The following HMGCLL1 variants were observed in gnomAD, a reference collection of about 807,000 sequenced individuals.
HMGCLL1 encodes the protein 3-hydroxy-3-methylglutaryl-CoA lyase like 1.
HMGCLL1 carries 36 observed loss-of-function variants against 39.1 expected under a neutral mutation model. The ratio of observed to expected loss-of-function variants is 0.92; its 90% CI spans 0.71 to 1.22. The LOEUF (loss-of-function observed/expected upper bound fraction) is 1.22, where lower values mean the gene tolerates loss of function less well. Ranked by LOEUF, HMGCLL1 falls within the 50% of genes most tolerant of loss-of-function variation. The probability of loss-of-function intolerance (pLI) is 0.00; values close to 1 mark genes in which losing one functional copy is unlikely to be tolerated. For synonymous variants in HMGCLL1, 149 were observed against 144.0 expected, an observed-to-expected ratio of 1.03 and a Z score of -0.25; for missense variants, 451 against 416.5, an observed-to-expected ratio of 1.08 and a Z score of -0.72.
the HMGCLL1 span, among the ~76,000 whole-genome samples, chr6:55,646,841 G>A: frequency 6.6e-6 from 1 of 151,930 alleles, no homozygotes; most frequent in Non-Finnish European, 1.5e-5. Context: ...ATGTGCTGAG[G>A]AGAAACTTGT....
At chr6:55,585,954 T>C in the HMGCLL1 span, among the ~76,000 whole-genome samples, 2 of 152,074 alleles carry the variant, frequency 1.3e-5, no homozygotes, top group African/African-American at 4.8e-5. Flanking sequence ...TAGAGGAGTA[T>C]AAGAAATTAA....
At chr6:55,481,584 A>T (rs1421870594) in intron 7 of HMGCLL1, among the ~76,000 whole-genome samples, 3 of 152,054 alleles carry the variant, frequency 2.0e-5, no homozygotes, top group African/African-American at 7.2e-5. Context: ...GACAAGTGAG[A>T]TCTACACTCT....
intron 1 of HMGCLL1, among the ~76,000 whole-genome samples, chr6:55,565,525 C>T (rs1326465907): frequency 6.6e-6 from 1 of 151,924 alleles, no homozygotes; most frequent in African/African-American, 2.4e-5. Context: ...AATACTACTG[C>T]CCTTATATAA....
rs1031819813 is a variant in HMGCLL1 at position 55,485,824 on chromosome 6, T to C, written c.795+9595A>G. On this transcript the variant is annotated intron_variant, in intron 7 of 8. Coordinates refer to ENST00000274901, the MANE Select transcript of HMGCLL1 (RefSeq NM_001042406.2). Reference sequence around the variant, plus strand: ...AGGTTTGCTGAATTTAGCAATATTATATAAACCTAGTGAGTGTATAGGCTG... The same window carrying C: ...AGGTTTGCTGAATTTAGCAATATTACATAAACCTAGTGAGTGTATAGGCTG... Among the ~76,000 whole-genome samples, 3 of 151,858 alleles carry C rather than the reference T, an allele frequency of 2.0e-5. No homozygotes were observed. The South Asian group carries it at 6.2e-4, about 31-fold the overall frequency.
chr6:55,510,871 T>C (rs904741640), intron 5 of HMGCLL1, among the ~76,000 whole-genome samples: 1 of 151,276 alleles, frequency 6.6e-6, no homozygotes, highest in African/African-American at 2.4e-5. Flanking sequence ...ATTTTAACCA[T>C]GAAATTAATA....
chr6:55,454,850 T>C (rs1764253613), intron 7 of HMGCLL1, among the ~76,000 whole-genome samples: 1 of 152,224 alleles, frequency 6.6e-6, no homozygotes, highest in South Asian at 2.1e-4. Context: ...CCACCATTTA[T>C]TAGGAGACAT....
chr6:55,456,784 T>C (rs1000588399), intron 7 of HMGCLL1, among the ~76,000 whole-genome samples: 6 of 152,204 alleles, frequency 3.9e-5, no homozygotes, highest in Admixed American at 1.3e-4. Flanking sequence ...ACACTGCTTC[T>C]TTCTTTGTCC....
intron 3 of HMGCLL1, among the ~76,000 whole-genome samples, chr6:55,517,540 G>A (rs1287114804): frequency 6.6e-6 from 1 of 151,866 alleles, no homozygotes; most frequent in African/African-American, 2.4e-5. Context: ...GCAGAAAAAG[G>A]GCTATTGGGT....
chr6:55,503,509 T>C (rs10948929), intron 5 of HMGCLL1, among the ~76,000 whole-genome samples: 102,133 of 151,252 alleles, frequency 0.68, 34,516 homozygotes, highest in Non-Finnish European at 0.7. Context: ...GTGATATGTT[T>C]TAAAAGTTAT....
intron 5 of HMGCLL1, among the ~76,000 whole-genome samples, chr6:55,502,125 GTTTCA>G (rs2127428535): frequency 6.6e-6 from 1 of 151,828 alleles, no homozygotes; most frequent in East Asian, 1.9e-4. Context: ...TCAGCAAATG[GTTTCA>G]TTTCATCTTC....
At chr6:55,574,304 C>G (rs1771659446) in intron 1 of HMGCLL1, among the ~76,000 whole-genome samples, 1 of 151,358 alleles carries the variant, frequency 6.6e-6, no homozygotes, top group African/African-American at 2.4e-5. Flanking sequence ...AATATGTGCA[C>G]AAGTATAAAT....
the HMGCLL1 span, among the ~76,000 whole-genome samples, chr6:55,665,223 G>A: frequency 1.6e-4 from 24 of 151,654 alleles, no homozygotes; most frequent in African/African-American, 5.8e-4. Context: ...TTATCTTCAG[G>A]GGCAAACTTT....
At chr6:55,537,250 G>A (rs1475433053) in intron 3 of HMGCLL1, among the ~76,000 whole-genome samples, 3 of 152,208 alleles carry the variant, frequency 2.0e-5, no homozygotes, top group Non-Finnish European at 4.4e-5. Flanking sequence ...GTGTTATATA[G>A]TAAGTGACTG....
At chr6:55,548,396 C>A (rs923685506) in intron 1 of HMGCLL1, among the ~76,000 whole-genome samples, 1 of 151,908 alleles carries the variant, frequency 6.6e-6, no homozygotes, top group Non-Finnish European at 1.5e-5. Context: ...ACAAGTTTCT[C>A]CTGGAAATAT....
chr6:55,572,973 G>A (rs1043233108), intron 1 of HMGCLL1, among the ~76,000 whole-genome samples: 2 of 152,182 alleles, frequency 1.3e-5, no homozygotes, highest in Non-Finnish European at 2.9e-5. Context: ...TGCCAATTCT[G>A]TATGAGCAAC....
chr6:55,470,622 C>T (rs984954940), intron 7 of HMGCLL1, among the ~76,000 whole-genome samples: 1 of 151,514 alleles, frequency 6.6e-6, no homozygotes, highest in Non-Finnish European at 1.5e-5. Context: ...ATAAAATGAA[C>T]ATAATTTTAG....
chr6:55,611,980 A>G, the HMGCLL1 span, among the ~76,000 whole-genome samples: 1 of 152,166 alleles, frequency 6.6e-6, no homozygotes, highest in African/African-American at 2.4e-5. Flanking sequence ...GAAAGAAATA[A>G]AGGGTATTCA....
chr6:55,594,115 A>G, the HMGCLL1 span, among the ~76,000 whole-genome samples: 2 of 152,232 alleles, frequency 1.3e-5, no homozygotes, highest in South Asian at 2.1e-4. Flanking sequence ...TGTACAACCT[A>G]TGAAATTCTT....
At chr6:55,646,617 T>C in the HMGCLL1 span, among the ~76,000 whole-genome samples, 1 of 152,012 alleles carries the variant, frequency 6.6e-6, no homozygotes, top group Admixed American at 6.6e-5. Context: ...TTTCAAGAAA[T>C]TTTTCAATTT....
Sources: allele counts gnomAD v4.1 joint callset (sites outside exome capture counted in the v4.1 genomes callset), GRCh38; gene constraint gnomAD v4.1.1; transcripts MANE v1.5; gene names NCBI Gene and HGNC (gene_info 2026-07-23, HGNC 2026-07-21).